Variants in SPTLC1 observed in about 807,000 individuals in gnomAD.
SPTLC1 encodes the protein serine palmitoyltransferase 1.
In SPTLC1, 55 loss-of-function variants were observed where a neutral mutation model predicts 68.9. The ratio of observed to expected loss-of-function variants is 0.80; its 90% CI spans 0.64 to 1.00. SPTLC1 has a LOEUF of 1.00. Among genes scored for constraint, SPTLC1 ranks in the 50% least tolerant of loss-of-function variants. SPTLC1 has a pLI of 0.00. For missense variants in SPTLC1, 449 were observed against 573.1 expected (o/e 0.78, Z 2.21); for synonymous variants, 197 against 201.6 (o/e 0.98, Z 0.19).
intron 5 of SPTLC1, chr9:92,079,443 C>A: frequency 6.3e-7 from 1 of 1,596,424 alleles, no homozygotes; most frequent in Non-Finnish European, 8.5e-7. Context: ...CCATAAAATG[C>A]CGGTCTTCTT....
rs1476147105 is a variant in SPTLC1, at chr9:92,111,329, CCTTA to C, written c.165+1122_165+1125del. On this transcript the variant is annotated intron_variant, in intron 2 of 14. Coordinates refer to ENST00000262554, the MANE Select transcript of SPTLC1 (RefSeq NM_006415.4). ...TTTTACACACTAGTAGGATCCCTTC[CCTTA>C]CTTATTACACTCATCCACACCTGAA... 6.6e-5 allele frequency: 10 copies of C among 152,264 alleles called. No individual in the cohort carries two copies. In the South Asian group the frequency reaches 1.2e-3, roughly 19 times the overall value. The allele number at this position is 152,264 out of a possible 1,614,324, so 9.4% of individuals were successfully genotyped here. A position where few individuals can be genotyped will look rare whatever the true frequency, so the allele number is the denominator to read the frequency against.
chr9:92,047,164 G>C lies in SPTLC1; in HGVS notation c.1081+8C>G, dbSNP rs780981734. ...TCTTTGATTCCTTGGGTTTTTAAAGGGTTATACCTGGATTCTCTTCCATGA... is the reference window on the plus strand; with the variant it reads ...TCTTTGATTCCTTGGGTTTTTAAAGCGTTATACCTGGATTCTCTTCCATGA... On this transcript the variant is annotated splice_region_variant and intron_variant, in intron 11 of 14. Coordinates refer to ENST00000262554, the MANE Select transcript of SPTLC1 (RefSeq NM_006415.4). The C allele has an allele frequency of 1.2e-6, 2 of 1,606,172 alleles. No homozygotes were observed. Among genetic ancestry groups the C allele is most frequent in the Non-Finnish European group, 1.7e-6 (2 of 1,173,648 alleles).
intron 3 of SPTLC1, chr9:92,104,664 A>G: frequency 6.6e-7 from 1 of 1,521,494 alleles, no homozygotes; most frequent in Non-Finnish European, 8.8e-7. Context: ...AGGGCAGAAG[A>G]GCCCAAAGAA....
chr9:92,097,093 G>A (rs374005887), intron 3 of SPTLC1, among the ~76,000 whole-genome samples: 3 of 152,212 alleles, frequency 2.0e-5, no homozygotes, highest in Admixed American at 6.5e-5. Context: ...TTAGTTATCT[G>A]GGAAATGCAA....
At chr9:92,080,793 G>A (rs1475996744) in intron 4 of SPTLC1, 77 bp downstream of exon 4, 2 of 1,217,768 alleles carry the variant, frequency 1.6e-6, no homozygotes, top group East Asian at 2.4e-5. Flanking sequence ...ACCACGCCCA[G>A]CCTGCCTTTG....
chr9:92,094,622 TCAAGTTCTGATGCTG>T (rs1216748676), intron 3 of SPTLC1, among the ~76,000 whole-genome samples: 2 of 152,246 alleles, frequency 1.3e-5, no homozygotes, highest in African/African-American at 4.8e-5. Flanking sequence ...TCACCCATTC[TCAAGTTCTGATGCTG>T]CAACTTTCCT....
intron 3 of SPTLC1, among the ~76,000 whole-genome samples, chr9:92,093,823 A>T (rs1238166381): frequency 6.6e-6 from 1 of 152,232 alleles, no homozygotes; most frequent in Admixed American, 6.5e-5. Flanking sequence ...AACTGAATTT[A>T]GAAACCGGGA....
chr9:92,064,206 G>A (rs893928997), intron 6 of SPTLC1, among the ~76,000 whole-genome samples: 1 of 152,096 alleles, frequency 6.6e-6, no homozygotes, highest in Non-Finnish European at 1.5e-5. Flanking sequence ...TTTTAGCAAT[G>A]AATACGTGGA....
At chr9:92,067,829 T>C (rs1258455054) in intron 6 of SPTLC1, 137 bp downstream of exon 6, 6 of 1,014,446 alleles carry the variant, frequency 5.9e-6, no homozygotes, top group African/African-American at 3.3e-5. Flanking sequence ...TTTGAAACCT[T>C]TGGTGAGGTG....
chr9:92,036,026 A>G (rs1298312281), intron 13 of SPTLC1, among the ~76,000 whole-genome samples: 1 of 152,276 alleles, frequency 6.6e-6, no homozygotes, highest in Non-Finnish European at 1.5e-5. Context: ...GAGTTACAGC[A>G]GCATGGTTCT....
chr9:92,089,060 A>G (rs914085928), intron 3 of SPTLC1, among the ~76,000 whole-genome samples: 30 of 152,350 alleles, frequency 2.0e-4, no homozygotes, highest in African/African-American at 7.2e-4. Context: ...GACGCTGGAC[A>G]CTAGAAAGTG....
chr9:92,067,827 C>A (rs1587939176), intron 6 of SPTLC1, 139 bp downstream of exon 6: 2 of 1,001,932 alleles, frequency 2.0e-6, no homozygotes, highest in South Asian at 1.5e-5. Context: ...ATTTTGAAAC[C>A]TTTGGTGAGG....
At chr9:92,105,356 T>C in intron 3 of SPTLC1, 3 of 1,519,154 alleles carry the variant, frequency 2.0e-6, no homozygotes, top group Non-Finnish European at 1.8e-6. Context: ...GAACATGAGG[T>C]TGTTAAGTAG....
At chr9:92,080,773 G>C (rs1834853283) in intron 4 of SPTLC1, 97 bp downstream of exon 4, 1 of 968,972 alleles carries the variant, frequency 1.0e-6, no homozygotes. Flanking sequence ...CTCCTGACCT[G>C]AAGTGATCCA....
intron 8 of SPTLC1, among the ~76,000 whole-genome samples, chr9:92,053,332 T>C (rs983317000): frequency 3.9e-5 from 6 of 152,290 alleles, no homozygotes; most frequent in Non-Finnish European, 8.8e-5. Flanking sequence ...AATGGTGCAA[T>C]CGCTGTTGAA....
intron 7 of SPTLC1, 65 bp from the exon 8 acceptor site, chr9:92,055,559 T>G: frequency 6.8e-7 from 1 of 1,462,336 alleles, no homozygotes; most frequent in Non-Finnish European, 9.5e-7. Flanking sequence ...CTGTTACATA[T>G]TCCCCAGCAC....
At chr9:92,090,607 G>A (rs1835324422) in intron 3 of SPTLC1, among the ~76,000 whole-genome samples, 1 of 138,418 alleles carries the variant, frequency 7.2e-6, no homozygotes, top group Non-Finnish European at 1.5e-5. Context: ...GTGAGACCCT[G>A]TCTCAAAAAA....
chr9:92,088,056 A>G (rs1835221003), intron 3 of SPTLC1, among the ~76,000 whole-genome samples: 1 of 152,228 alleles, frequency 6.6e-6, no homozygotes, highest in South Asian at 2.1e-4. Context: ...GAGCCAGGTG[A>G]GGGATATAAT....
chr9:92,094,842 C>A (rs1273062160), intron 3 of SPTLC1, among the ~76,000 whole-genome samples: 2 of 152,210 alleles, frequency 1.3e-5, no homozygotes, highest in African/African-American at 4.8e-5. Flanking sequence ...AGGGCATACA[C>A]TTCAACTGGA....
Sources: allele counts gnomAD v4.1 joint callset (sites outside exome capture counted in the v4.1 genomes callset), GRCh38; gene constraint gnomAD v4.1.1; transcripts MANE v1.5; gene names NCBI Gene and HGNC (gene_info 2026-07-23, HGNC 2026-07-21).